Variants in RRM1 observed in about 807,000 individuals in gnomAD.
RRM1 encodes ribonucleoside-diphosphate reductase large subunit.
A neutral mutation model predicts 101.5 loss-of-function variants in RRM1; 19 were observed. The ratio of observed to expected loss-of-function variants is 0.19; its 90% confidence interval spans 0.13 to 0.27. The LOEUF is 0.27. Ranked by LOEUF, RRM1 falls within the 10% of genes least tolerant of loss-of-function variation. The pLI, the probability that RRM1 is intolerant of heterozygous loss-of-function variation, is 1.00. For synonymous variants in RRM1, 298 were observed against 323.4 expected (o/e 0.92, Z 0.84); for missense variants, 500 against 962.9 (o/e 0.52, Z 6.36).
chr11:4,133,342 G>T (rs746993378), intron 16 of RRM1, among the ~76,000 whole-genome samples: 5 of 152,032 alleles, frequency 3.3e-5, no homozygotes, highest in Non-Finnish European at 7.4e-5. Context: ...ACCATGCCTG[G>T]CTAATTATAT....
At chr11:4,125,146 C>T (rs759882624) in intron 12 of RRM1, among the ~76,000 whole-genome samples, 17 of 152,056 alleles carry the variant, frequency 1.1e-4, no homozygotes, top group Non-Finnish European at 2.1e-4. Flanking sequence ...ATCTCTTGAC[C>T]TCGTGATCCG....
chr11:4,106,087 G>A lies in RRM1; in HGVS notation c.150G>A (p.Gly50=). Residue 50 remains glycine (G), a synonymous_variant, in exon 3 of 19, where the codon GGG becomes GGA. Transcript: ENST00000300738. The part of the protein sequence containing the change: ...TMKVIQGLYS[G]VTTVELDTLA... The stretch of plus-strand genomic sequence containing the variant: ...AAGTAATCCAAGGCTTGTACAGTGG[G>A]GTCACCACAGTGGAACTAGATACTT... 1 of 1,613,742 alleles carries A rather than the reference G, an allele frequency of 6.2e-7. No individual in the cohort carries two copies. Among genetic ancestry groups the A allele is most frequent in the Non-Finnish European group, 8.5e-7 (1 of 1,179,822 alleles).
intron 2 of RRM1, among the ~76,000 whole-genome samples, chr11:4,105,118 C>T (rs554883648): frequency 6.6e-6 from 1 of 152,218 alleles, no homozygotes; most frequent in East Asian, 1.9e-4. Flanking sequence ...ATGACACTTT[C>T]ATTTTATATG....
chr11:4,132,588 A>C lies in RRM1; in HGVS notation c.1905+167A>C, dbSNP rs1182639145. ...TATTATTTGTTATTAATATTTCAGC[A>C]CAATAGGCATTTAATAAATAATCTG... On this transcript the variant is annotated intron_variant, in intron 16 of 18. Transcript: ENST00000300738. The surrounding 1 kb of genome is among the most constrained non-coding windows in gnomAD (Gnocchi z 4.1). Among the ~76,000 whole-genome samples the C allele has an allele frequency of 6.6e-6, 1 of 152,228 alleles. No individual in the cohort carries two copies. The highest frequency in any genetic ancestry group is 2.4e-5 in the African/African-American group (1 of 41,448).
At chr11:4,123,808 AAAAC>A in intron 12 of RRM1, among the ~76,000 whole-genome samples, 1 of 152,338 alleles carries the variant, frequency 6.6e-6, no homozygotes, top group East Asian at 1.9e-4. Flanking sequence ...ACCCTGTCTC[AAAAC>A]AAACAAACAA....
In RRM1 at chr11:4,138,098, C is replaced by T. The variant is rs149034193; in HGVS notation, c.2191-97C>T. On this transcript the variant is annotated intron_variant, in intron 18 of 18. Transcript: ENST00000300738. Reference sequence around the variant, plus strand: ...CTGACCCCCCCACCTCCCTCCTGGACGGGGCGGCTGGACAGGAATGTATTT... The same window carrying T: ...CTGACCCCCCCACCTCCCTCCTGGATGGGGCGGCTGGACAGGAATGTATTT... 261 of 460,188 alleles carry T rather than the reference C, an allele frequency of 5.7e-4. 68 individuals carry two copies. The highest frequency in any genetic ancestry group is 3.3e-3 in the Admixed American group (79 of 24,176). 28.5% of individuals were successfully genotyped at this position (460,188 alleles called of 1,614,324 possible). A position where few individuals can be genotyped will look rare whatever the true frequency, so the allele number is the denominator to read the frequency against.
intron 17 of RRM1, 130 bp from the exon 18 acceptor site, chr11:4,134,952 A>G: frequency 1.6e-6 from 1 of 613,460 alleles, no homozygotes; most frequent in Non-Finnish European, 2.7e-6. Flanking sequence ...ATCATATCAT[A>G]TGATACTGAA....
chr11:4,105,770 G>A, intron 2 of RRM1: 2 of 409,260 alleles, frequency 4.9e-6, no homozygotes, highest in Non-Finnish European at 9.1e-6. Context: ...TTCCTAGCTT[G>A]CCCAGGCTGG....
intron 8 of RRM1, chr11:4,119,358 T>G (rs73419272): frequency 0.012 from 2,088 of 177,162 alleles, 43 homozygotes; most frequent in African/African-American, 0.047. Flanking sequence ...GTCTCTATTT[T>G]CTTAACATCA....
chr11:4,096,748 C>T lies in RRM1; in HGVS notation c.19+1717C>T, dbSNP rs2094544108. Among the ~76,000 whole-genome samples the T allele has an allele frequency of 3.9e-5, 6 of 151,970 alleles. No homozygotes were observed. In the South Asian group the frequency reaches 1.2e-3, roughly 32 times the overall value. ...GAACTCCTGGGCTCAAGCATTCTTC[C>T]CACTTCAGCCTCCCAAAGTGCTTGG... On this transcript the variant is annotated intron_variant, in intron 1 of 18. Coordinates refer to ENST00000300738, the MANE Select transcript of RRM1 (RefSeq NM_001033.5).
Position 4,127,763 on chromosome 11 carries a change from C to G in RRM1, c.1692+507C>G, listed in dbSNP as rs80094900. 9.7e-4 allele frequency among the ~76,000 whole-genome samples: 147 copies of G among 152,300 alleles called. 1 individual carries two copies. The highest frequency in any genetic ancestry group is 3.3e-3 in the African/African-American group (139 of 41,572). ...TTTGTCCTCTGGAGTAAAAAGGATA[C>G]TCTGTTTTAATCTCTTATTTAGAAC... On this transcript the variant is annotated intron_variant, in intron 14 of 18. Coordinates refer to ENST00000300738, the MANE Select transcript of RRM1 (RefSeq NM_001033.5).
At chr11:4,108,225 G>GCCT (rs1465047850) in intron 4 of RRM1, among the ~76,000 whole-genome samples, 1 of 152,164 alleles carries the variant, frequency 6.6e-6, no homozygotes, top group Admixed American at 6.5e-5. Flanking sequence ...AAAAGATGTA[G>GCCT]CCTAGCCAGC....
intron 12 of RRM1, among the ~76,000 whole-genome samples, chr11:4,124,489 A>G (rs1242206072): frequency 2.0e-5 from 3 of 152,240 alleles, no homozygotes; most frequent in African/African-American, 7.2e-5. Context: ...GTAAAACACA[A>G]TGTTAAGTGC....
Position 4,130,066 on chromosome 11 carries a change from T to TATATATATATATA in RRM1, c.1769+916_1769+917insATATATATATATA, listed in dbSNP as rs1554976190. ...TTAAGAAAATGGACCTGTACTGTAT[T>TATATATATATATA]TATATATATATATATATATATTTTT... On this transcript the variant is annotated intron_variant, in intron 15 of 18. Transcript: ENST00000300738. Among the ~76,000 whole-genome samples the TATATATATATATA allele has an allele frequency of 7.9e-4, 26 of 32,962 alleles. 1 individual carries two copies. The highest frequency in any genetic ancestry group is 1.1e-3 in the Non-Finnish European group (19 of 17,036). 21.6% of individuals were successfully genotyped at this position (32,962 alleles called of 152,430 possible).
At chr11:4,101,955 A>G in intron 1 of RRM1, 38 bp from the exon 2 acceptor site, 1 of 1,081,312 alleles carries the variant, frequency 9.2e-7, no homozygotes, top group Non-Finnish European at 1.4e-6. Context: ...AATTGCTAAC[A>G]TGAATTTAAT....
At chr11:4,102,226 A>T in intron 2 of RRM1, 145 bp downstream of exon 2, 1 of 591,088 alleles carries the variant, frequency 1.7e-6, no homozygotes, top group South Asian at 2.2e-5. Flanking sequence ...ATTGCTTAAA[A>T]CATTTTTTTT....
At chr11:4,112,172 AT>A (rs2094566500) in intron 7 of RRM1, 110 bp downstream of exon 7, 1 of 755,562 alleles carries the variant, frequency 1.3e-6, no homozygotes, top group Non-Finnish European at 2.1e-6. Flanking sequence ...CTCTGATTAA[AT>A]GAGATTTAGA....
At chr11:4,094,726 G>A (rs1014515253), upstream of RRM1, 1 of 538,092 alleles carries the variant, frequency 1.9e-6, no homozygotes, top group East Asian at 2.9e-5. Context: ...GCTACACGTC[G>A]CCTGTCAGTC....
In RRM1 at chr11:4,094,840, G is replaced by A; in HGVS notation, c.-173G>A. 3.0e-6 allele frequency: 2 copies of A among 662,524 alleles called. No individual in the cohort carries two copies. The highest frequency in any genetic ancestry group is 5.2e-5 in the Admixed American group (2 of 38,484). 41.0% of individuals were successfully genotyped at this position (662,524 alleles called of 1,614,324 possible). ...GGTGGCGGGCGCGGGAAGGGGATTT[G>A]GATTGTTGCGCCTCTGCTCTGAAGA... is the stretch of plus-strand genomic sequence containing the variant. On this transcript the variant is annotated 5_prime_UTR_variant, in exon 1 of 19. Transcript: ENST00000300738.
Sources: allele counts gnomAD v4.1 joint callset (sites outside exome capture counted in the v4.1 genomes callset), GRCh38; gene constraint gnomAD v4.1.1; non-coding constraint Gnocchi (gnomAD v3.1); transcripts MANE v1.5; gene names NCBI Gene and HGNC (gene_info 2026-07-23, HGNC 2026-07-21).